Variants in CNTNAP2 observed in about 807,000 individuals in gnomAD.
CNTNAP2 encodes the protein contactin associated protein 2, also known as contactin-associated protein-like 2.
Under a neutral mutation model 155.2 loss-of-function variants are expected in CNTNAP2, and 98 were observed. The observed-to-expected ratio is 0.63, with a 90% CI of 0.54 to 0.75. The LOEUF (loss-of-function observed/expected upper bound fraction) is 0.75, where lower values mean the gene tolerates loss of function less well. Ranked by LOEUF, CNTNAP2 falls within the 30% of genes least tolerant of loss-of-function variation. The pLI, the probability that CNTNAP2 is intolerant of heterozygous loss-of-function variation, is 0.00. For synonymous variants in CNTNAP2, 651 were observed against 631.2 expected, an observed-to-expected ratio of 1.03 and a Z score of -0.47; for missense variants, 1,727 against 1,688.1, an observed-to-expected ratio of 1.02 and a Z score of -0.40.
intron 10 of CNTNAP2, among the ~76,000 whole-genome samples, chr7:147,476,327 A>G (rs1269283465): frequency 3.3e-5 from 5 of 151,648 alleles, no homozygotes; most frequent in Non-Finnish European, 7.4e-5. Flanking sequence ...GGATGGTCTC[A>G]ATCTGCTGAC....
intron 22 of CNTNAP2, among the ~76,000 whole-genome samples, chr7:148,385,481 G>A (rs571736046): frequency 2.0e-5 from 3 of 152,268 alleles, no homozygotes; most frequent in South Asian, 2.1e-4. Context: ...GACAAATACC[G>A]TGAATGATCT....
intron 21 of CNTNAP2, among the ~76,000 whole-genome samples, chr7:148,338,375 C>G (rs756974441): frequency 6.6e-6 from 1 of 152,128 alleles, no homozygotes; most frequent in African/African-American, 2.4e-5. Flanking sequence ...GCAGGCTCTT[C>G]CTGTTGTCCT....
chr7:148,226,816 A>G (rs980525833), intron 19 of CNTNAP2, among the ~76,000 whole-genome samples: 12 of 152,214 alleles, frequency 7.9e-5, no homozygotes, highest in African/African-American at 2.9e-4. Flanking sequence ...TCAAGGGCCA[A>G]ACAGGGCACT....
intron 3 of CNTNAP2, among the ~76,000 whole-genome samples, chr7:146,859,608 G>C (rs1795057998): frequency 6.6e-6 from 1 of 151,872 alleles, no homozygotes; most frequent in Admixed American, 6.6e-5. Flanking sequence ...AGTGGGCCAA[G>C]ATCGCACACC....
chr7:147,861,119 A>T (rs1799127033), intron 13 of CNTNAP2, among the ~76,000 whole-genome samples: 1 of 152,178 alleles, frequency 6.6e-6, no homozygotes, highest in South Asian at 2.1e-4. Flanking sequence ...TTTTCACCTC[A>T]TCTGATGAAA....
At chr7:148,066,642 C>A (rs1008381668) in intron 15 of CNTNAP2, among the ~76,000 whole-genome samples, 2 of 151,958 alleles carry the variant, frequency 1.3e-5, no homozygotes, top group Non-Finnish European at 1.5e-5. Context: ...GGACTACAGG[C>A]GCCCACCACC....
intron 20 of CNTNAP2, among the ~76,000 whole-genome samples, chr7:148,259,435 A>G (rs1476101960): frequency 6.6e-6 from 1 of 152,118 alleles, no homozygotes; most frequent in African/African-American, 2.4e-5. Context: ...ATAAAATGAT[A>G]TTTTGAAGAA....
chr7:147,004,484 A>G (rs774097355), intron 3 of CNTNAP2, among the ~76,000 whole-genome samples: 3 of 152,126 alleles, frequency 2.0e-5, no homozygotes, highest in African/African-American at 7.2e-5. Flanking sequence ...AAAACATGAC[A>G]CTTCTTATTG....
intron 3 of CNTNAP2, among the ~76,000 whole-genome samples, chr7:146,998,711 A>G (rs1798357982): frequency 6.6e-6 from 1 of 151,910 alleles, no homozygotes; most frequent in Non-Finnish European, 1.5e-5. Context: ...AGGTGGTCCT[A>G]TGTTGGGTGT....
chr7:147,575,368 A>T, intron 12 of CNTNAP2, among the ~76,000 whole-genome samples: 1 of 75,692 alleles, frequency 1.3e-5, no homozygotes, highest in Non-Finnish European at 2.5e-5. Flanking sequence ...CCCTAGCTTT[A>T]GGGGTGTGTG....
intron 11 of CNTNAP2, among the ~76,000 whole-genome samples, chr7:147,540,806 G>T (rs1799625162): frequency 6.7e-6 from 1 of 150,140 alleles, no homozygotes; most frequent in African/African-American, 2.5e-5. Context: ...AATCCAGCCT[G>T]GTGACAGAGC....
At chr7:146,767,718 A>G (rs1563222469) in intron 1 of CNTNAP2, among the ~76,000 whole-genome samples, 1 of 152,158 alleles carries the variant, frequency 6.6e-6, no homozygotes, top group Non-Finnish European at 1.5e-5. Context: ...AGGAGCATAC[A>G]TTTTTATAGC....
intron 13 of CNTNAP2, among the ~76,000 whole-genome samples, chr7:147,784,494 AATATATATATATATATATATATAT>A (rs10528525): frequency 0.012 from 527 of 45,004 alleles, 16 homozygotes; most frequent in African/African-American, 0.021. Context: ...GCTCTGGACT[AATATATATATATATATATATATAT>A]ATATATATAT....
intron 9 of CNTNAP2, among the ~76,000 whole-genome samples, chr7:147,390,214 C>T (rs774284257): frequency 6.6e-6 from 1 of 152,100 alleles, no homozygotes; most frequent in Non-Finnish European, 1.5e-5. Flanking sequence ...GTCAATATTC[C>T]ACCAGTTACA....
rs1357070808 is a variant in CNTNAP2, at chr7:148,222,495, TATGAATGGATCATTCCATGAATCG to T, written c.3247+5019_3247+5042del. Among the ~76,000 whole-genome samples, 69 of 78,398 alleles carry T rather than the reference TATGAATGGATCATTCCATGAATCG, an allele frequency of 8.8e-4. 1 individual carries two copies. Among genetic ancestry groups the T allele is most frequent in the African/African-American group, 2.1e-3 (45 of 21,076 alleles). 51.4% of individuals were successfully genotyped at this position (78,398 alleles called of 152,430 possible). Reference sequence around the variant, plus strand: ...CCATTAACCCATTAATCCATGAATCTATGAATGGATCATTCCATGAATCGATGAATGGATCATTCCATGAATCGA... The same window carrying T: ...CCATTAACCCATTAATCCATGAATCTATGAATGGATCATTCCATGAATCGA... On this transcript the variant is annotated intron_variant, in intron 19 of 23. Coordinates refer to ENST00000361727, the MANE Select transcript of CNTNAP2 (RefSeq NM_014141.6).
rs1584763766 is a variant in CNTNAP2 at position 146,131,190 on chromosome 7, T to G, written c.97+14217T>G. 4.6e-5 allele frequency among the ~76,000 whole-genome samples: 7 copies of G among 152,360 alleles called. No individual in the cohort carries two copies. The South Asian group carries it at 1.0e-3, about 23-fold the overall frequency. ...TGAATAAAGGTAATATGACTCATAT[T>G]CTTAAGAATTTCCCCTTGGCATTAC... On this transcript the variant is annotated intron_variant, in intron 1 of 23. Transcript: ENST00000361727.
intron 13 of CNTNAP2, among the ~76,000 whole-genome samples, chr7:147,899,816 C>A (rs1799833291): frequency 6.6e-6 from 1 of 151,550 alleles, no homozygotes; most frequent in South Asian, 2.1e-4. Context: ...ACCTGGGAGG[C>A]AGCGGTTACA....
chr7:147,379,259 TTTAA>T (rs1796492782), intron 9 of CNTNAP2, among the ~76,000 whole-genome samples: 1 of 152,126 alleles, frequency 6.6e-6, no homozygotes, highest in African/African-American at 2.4e-5. Flanking sequence ...TTCTTGTATA[TTTAA>T]TTCTCATTTT....
intron 13 of CNTNAP2, among the ~76,000 whole-genome samples, chr7:147,793,824 G>T (rs1584958055): frequency 6.6e-6 from 1 of 152,070 alleles, no homozygotes; most frequent in Admixed American, 6.6e-5. Flanking sequence ...CATTCATTCA[G>T]ATTTTTGCTT....
Sources: gnomAD v4.1 joint callset for allele counts (sites outside exome capture counted in the v4.1 genomes callset) on GRCh38, gnomAD v4.1.1 for gene constraint, MANE v1.5 for transcripts, NCBI Gene and HGNC (gene_info 2026-07-23, HGNC 2026-07-21) for gene names.